The following XPO6 variants were observed in gnomAD, a reference collection of about 807,000 sequenced individuals.
XPO6 encodes the protein exportin 6.
In XPO6, 3 loss-of-function variants were observed where a neutral mutation model predicts 130.0. The observed-to-expected ratio is 0.02, with a 90% CI of 0.01 to 0.06. The LOEUF (loss-of-function observed/expected upper bound fraction) is 0.06. XPO6 is among the 10% of genes least tolerant of loss of function. The pLI is 1.00. For synonymous variants in XPO6, 524 were observed against 548.9 expected (o/e 0.95, Z 0.63); for missense variants, 970 against 1,393.0 (o/e 0.70, Z 4.83).
At chr16:28,197,139 C>G (rs1430793744) in intron 1 of XPO6, among the ~76,000 whole-genome samples, 2 of 152,078 alleles carry the variant, frequency 1.3e-5, no homozygotes, top group African/African-American at 4.8e-5. Flanking sequence ...GTAATCCCAG[C>G]TACTCGGGAG....
intron 1 of XPO6, among the ~76,000 whole-genome samples, chr16:28,203,838 C>A (rs13331356): frequency 0.071 from 10,880 of 152,262 alleles, 1,240 homozygotes; most frequent in African/African-American, 0.24. Context: ...TCCACACAGG[C>A]ATGGTGTAAC....
At chr16:28,186,181 G>C (rs908595196) in intron 1 of XPO6, among the ~76,000 whole-genome samples, 1 of 151,872 alleles carries the variant, frequency 6.6e-6, no homozygotes, top group African/African-American at 2.4e-5. Flanking sequence ...TCAGGTCTGC[G>C]GACTGTTGCT....
At chr16:28,195,734 C>G (rs1050692739) in intron 1 of XPO6, among the ~76,000 whole-genome samples, 3 of 152,128 alleles carry the variant, frequency 2.0e-5, no homozygotes, top group African/African-American at 7.2e-5. Context: ...TCCTGGGTGA[C>G]AGAGAGAGAC....
At chr16:28,183,336 G>A (rs1296162345) in intron 1 of XPO6, 2 of 150,594 alleles carry the variant, frequency 1.3e-5, no homozygotes, top group African/African-American at 4.9e-5. Flanking sequence ...CAAAGGTACT[G>A]AGTTATCTCA....
rs1459492131 is a variant in XPO6, at chr16:28,180,932, T to C, written c.94+9A>G. On this transcript the variant is annotated intron_variant, in intron 2 of 23. Coordinates refer to ENST00000304658, the MANE Select transcript of XPO6 (RefSeq NM_015171.4). The stretch of plus-strand genomic sequence containing the variant: ...TAAATTCCTCTTTACAAGTCAATGC[T>C]CCACTTACCTATCTCACGTTTTCTT... 8.7e-6 allele frequency: 14 copies of C among 1,609,330 alleles called. No individual in the cohort carries two copies. The highest frequency in any genetic ancestry group is 9.3e-6 in the Non-Finnish European group (11 of 1,177,812).
At chr16:28,134,860 C>G (rs1199566636) in intron 10 of XPO6, among the ~76,000 whole-genome samples, 1 of 152,146 alleles carries the variant, frequency 6.6e-6, no homozygotes, top group Non-Finnish European at 1.5e-5. Context: ...ACGGTCTCCA[C>G]AAGCATCCAG....
chr16:28,108,716 C>A (rs1174788087), intron 17 of XPO6, among the ~76,000 whole-genome samples: 1 of 152,226 alleles, frequency 6.6e-6, no homozygotes, highest in Admixed American at 6.5e-5. Context: ...CACTTGGCAG[C>A]AGTCTCTGGG....
intron 12 of XPO6, among the ~76,000 whole-genome samples, chr16:28,129,983 T>C (rs1034526711): frequency 6.6e-6 from 1 of 151,926 alleles, no homozygotes; most frequent in Non-Finnish European, 1.5e-5. Flanking sequence ...CCACATAAGG[T>C]AGAAAAGACA....
At chr16:28,124,349 C>T (rs2087336460) in intron 13 of XPO6, among the ~76,000 whole-genome samples, 1 of 152,202 alleles carries the variant, frequency 6.6e-6, no homozygotes, top group Non-Finnish European at 1.5e-5. Flanking sequence ...TGAGCCACTG[C>T]GCCCCGCCAA....
At chr16:28,151,922 G>A (rs1288339330) in intron 8 of XPO6, among the ~76,000 whole-genome samples, 1 of 152,168 alleles carries the variant, frequency 6.6e-6, no homozygotes, top group Non-Finnish European at 1.5e-5. Context: ...GATAGGATGT[G>A]ATAGAAATAT....
At position 28,104,810 on chromosome 16, in the gene XPO6, G is replaced by A. The variant is rs963031326; in HGVS notation, c.2785-103C>T. 163 of 1,309,440 alleles carry A rather than the reference G, an allele frequency of 1.2e-4. 1 individual carries two copies. The highest frequency in any genetic ancestry group is 1.2e-3 in the Middle Eastern group (6 of 5,018). 81.1% of individuals were successfully genotyped at this position (1,309,440 alleles called of 1,614,324 possible). On this transcript the variant is annotated intron_variant, in intron 20 of 23. Coordinates refer to ENST00000304658, the MANE Select transcript of XPO6 (RefSeq NM_015171.4). Reference sequence around the variant, plus strand: ...AGGAGACGCCTCGTGACAGCAAGCCGAGTGTCAACACTCCATCCACATGCC... The same window carrying A: ...AGGAGACGCCTCGTGACAGCAAGCCAAGTGTCAACACTCCATCCACATGCC...
At chr16:28,141,646 G>A (rs926217695) in intron 9 of XPO6, among the ~76,000 whole-genome samples, 2 of 152,092 alleles carry the variant, frequency 1.3e-5, no homozygotes, top group Non-Finnish European at 2.9e-5. Context: ...ATTAACACTG[G>A]GGCTCAGGCT....
chr16:28,114,199 CA>C (rs71389524), intron 15 of XPO6, among the ~76,000 whole-genome samples: 9,267 of 97,680 alleles, frequency 0.095, 363 homozygotes, highest in South Asian at 0.26. Context: ...TACATCCTCA[CA>C]AAAAAAAAAA....
intron 12 of XPO6, among the ~76,000 whole-genome samples, chr16:28,129,647 T>G (rs565986889): frequency 6.6e-6 from 1 of 151,824 alleles, no homozygotes; most frequent in African/African-American, 2.4e-5. Context: ...TTTTGAGGAG[T>G]TGAGGGAGGT....
At chr16:28,199,339 C>T (rs2043917771) in intron 1 of XPO6, among the ~76,000 whole-genome samples, 1 of 152,064 alleles carries the variant, frequency 6.6e-6, no homozygotes, top group Admixed American at 6.5e-5. Flanking sequence ...AATAACAAAG[C>T]ACTTGGCTCA....
At chr16:28,141,882 C>T (rs2141786044) in intron 9 of XPO6, among the ~76,000 whole-genome samples, 1 of 152,346 alleles carries the variant, frequency 6.6e-6, no homozygotes, top group African/African-American at 2.4e-5. Context: ...ATGGTGTAAA[C>T]CCAGGAGGCG....
intron 17 of XPO6, among the ~76,000 whole-genome samples, 179 bp from the exon 18 acceptor site, chr16:28,107,856 T>A (rs1243085686): frequency 6.6e-6 from 1 of 152,194 alleles, no homozygotes; most frequent in African/African-American, 2.4e-5. Context: ...TTTTAGTTTT[T>A]GTTTTTACTA....
chr16:28,171,072 C>CT (rs75349360), intron 4 of XPO6, among the ~76,000 whole-genome samples: 8,460 of 142,800 alleles, frequency 0.059, 582 homozygotes, highest in East Asian at 0.18. Flanking sequence ...CCCTGACACA[C>CT]TTTTTTTTTT....
At chr16:28,205,142 G>C (rs79492699) in intron 1 of XPO6, among the ~76,000 whole-genome samples, 3,326 of 152,034 alleles carry the variant, frequency 0.022, 108 homozygotes, top group African/African-American at 0.076. Context: ...TTGCAAAGGG[G>C]AAAAAAGAAA....
Sources: allele counts gnomAD v4.1 joint callset (sites outside exome capture counted in the v4.1 genomes callset), GRCh38; gene constraint gnomAD v4.1.1; transcripts MANE v1.5; gene names NCBI Gene and HGNC (gene_info 2026-07-23, HGNC 2026-07-21).